The following CYP21A2 variants were observed in gnomAD, a reference collection of about 807,000 sequenced individuals.
The protein encoded by CYP21A2 is cytochrome P450 family 21 subfamily A member 2.
Under a neutral mutation model 47.4 loss-of-function variants are expected in CYP21A2, and 24 were observed. The ratio of observed to expected loss-of-function variants is 0.51; its 90% CI spans 0.37 to 0.71. The LOEUF is 0.71. Among genes scored for constraint, CYP21A2 ranks in the 30% least tolerant of loss-of-function variants. The probability of loss-of-function intolerance (pLI) is 0.00; values close to 1 mark genes in which losing one functional copy is unlikely to be tolerated. For synonymous variants in CYP21A2, 130 were observed against 273.9 expected (o/e 0.47, Z 5.19); for missense variants, 358 against 643.2 (o/e 0.56, Z 4.80).
In CYP21A2 at chr6:32,041,177, T is replaced by G; in HGVS notation, c.*43T>G. On this transcript the variant is annotated 3_prime_UTR_variant, in exon 10 of 10. Transcript: ENST00000644719. ...CAGCCGGGTACCTCAGTTTCTCCTT[T>G]ATTGCTCCCGTACGAACCCCTCCCC... The G allele has an allele frequency of 2.8e-6, 4 of 1,431,526 alleles. No individual in the cohort carries two copies. Among genetic ancestry groups the G allele is most frequent in the Non-Finnish European group, 3.9e-6 (4 of 1,020,952 alleles). The allele number at this position is 1,431,526 out of a possible 1,614,324, so 88.7% of individuals were successfully genotyped here.
intron 6 of CYP21A2, 56 bp downstream of exon 6, chr6:32,039,891 C>T (rs1776157761): frequency 2.5e-6 from 4 of 1,606,116 alleles, no homozygotes; most frequent in Non-Finnish European, 2.5e-6. Flanking sequence ...ATGCTACCGG[C>T]CTCAGCATTG....
At position 32,041,507 on chromosome 6, in the gene CYP21A2, G is replaced by A. The variant is rs451652; in HGVS notation, c.*373G>A. ...GCCGGATGTCCCATCTGCTCTTCCC[G>A]TTCCCCTTAAGGAGGTAGCTCCCAG... On this transcript the variant is annotated 3_prime_UTR_variant, in exon 10 of 10. Transcript: ENST00000644719. 24,394 of 1,215,108 alleles carry A rather than the reference G, an allele frequency of 0.02. 2,328 individuals are homozygous for A. Among genetic ancestry groups the A allele is most frequent in the African/African-American group, 0.094 (5,493 of 58,554 alleles). 75.3% of individuals were successfully genotyped at this position (1,215,108 alleles called of 1,614,324 possible). A position where few individuals can be genotyped will look rare whatever the true frequency, so the allele number is the denominator to read the frequency against.
chr6:32,041,552 C>A lies in CYP21A2; in HGVS notation c.*418C>A. On this transcript the variant is annotated 3_prime_UTR_variant, in exon 10 of 10. Coordinates refer to ENST00000644719, the MANE Select transcript of CYP21A2 (RefSeq NM_000500.9). ...TCCCAGCACTCAACCAACCTCCCCGCAGAGCTCCCTTCCTGACCCTCCGCT... is the reference window on the plus strand; with the variant it reads ...TCCCAGCACTCAACCAACCTCCCCGAAGAGCTCCCTTCCTGACCCTCCGCT... The A allele has an allele frequency of 3.7e-6, 4 of 1,073,078 alleles. No homozygotes were observed. The highest frequency in any genetic ancestry group is 5.6e-6 in the Non-Finnish European group (4 of 718,276). The allele number at this position is 1,073,078 out of a possible 1,614,324, so 66.5% of individuals were successfully genotyped here.
chr6:32,039,738 T>C lies in CYP21A2; in HGVS notation c.652-11T>C, dbSNP rs780202693. 1.4e-5 allele frequency: 22 copies of C among 1,603,106 alleles called. No homozygotes were observed. The highest frequency in any genetic ancestry group is 4.5e-5 in the East Asian group (2 of 44,188). On this transcript the variant is annotated splice_polypyrimidine_tract_variant and intron_variant, in intron 5 of 9. Transcript: ENST00000644719. ...CTTCCCACAGCTGCATTCTCATGCT[T>C]CCTGCCGCAGTTCTTCCCCAATCCA... is the stretch of plus-strand genomic sequence containing the variant.
chr6:32,040,183 T>C lies in CYP21A2; in HGVS notation c.917T>C (p.Val306Ala), dbSNP rs568758408. 2 of 1,612,668 alleles carry C rather than the reference T, an allele frequency of 1.2e-6. No homozygotes were observed. The highest frequency in any genetic ancestry group is 1.3e-5 in the African/African-American group (1 of 74,964). The change falls in exon 7 of 10, where the codon GTT (valine) becomes GCT (alanine). Residue 306 changes from valine to alanine, a missense_variant. Physicochemically the swap from Val to Ala is moderately conservative, Grantham distance 64. Coordinates refer to ENST00000644719, the MANE Select transcript of CYP21A2 (RefSeq NM_000500.9). ...GCAAACACCCTCTCCTGGGCCGTGG[T>C]TTTTTTGCTTCACCACCCTGAGGTG... ...TTANTLSWAVVFLLHHPEIQQ... is the reference protein window; with the variant it reads ...TTANTLSWAVAFLLHHPEIQQ...
chr6:32,039,811 G>C lies in CYP21A2; in HGVS notation c.714G>C (p.Val238=), dbSNP rs766676439. 6.2e-7 allele frequency: 1 copy of C among 1,614,014 alleles called. No homozygotes were observed. The highest frequency in any genetic ancestry group is 1.7e-5 in the Admixed American group (1 of 60,012). The stretch of plus-strand genomic sequence containing the variant: ...CCATAGAGAAGAGGGATCACATCGT[G>C]GAGATGCAGCTGAGGCAGCACAAGG... ...KQAIEKRDHI[V]EMQLRQHKES... The change falls in exon 6 of 10, where the codon GTG becomes GTC. Residue 238 remains valine (V), a synonymous_variant. Transcript: ENST00000644719.
chr6:32,038,986 G>T (rs936560222), intron 2 of CYP21A2, 108 bp from the exon 3 acceptor site: 5 of 1,545,210 alleles, frequency 3.2e-6, no homozygotes, highest in Admixed American at 2.0e-5. Flanking sequence ...AAGCTCTTGG[G>T]GGGGCATATC....
intron 2 of CYP21A2, 92 bp from the exon 3 acceptor site, chr6:32,039,002 G>C (rs932996061): frequency 1.3e-6 from 2 of 1,549,954 alleles, no homozygotes; most frequent in African/African-American, 2.7e-5. Context: ...ATATCTGGTG[G>C]GGAGAAAGCA....
Position 32,040,014 on chromosome 6 carries a change from G to A in CYP21A2, c.748G>A (p.Val250Met), listed in dbSNP as rs1373210679. Residue 250 changes from valine to methionine, a missense_variant, in exon 7 of 10, where the codon GTG becomes ATG. Physicochemically the swap from Val to Met is conservative, Grantham distance 21. Coordinates refer to ENST00000644719, the MANE Select transcript of CYP21A2 (RefSeq NM_000500.9). ...CTTTCACCCTCTGCAGGAGAGCCTCGTGGCAGGCCAGTGGAGGGACATGAT... is the reference window on the plus strand; with the variant it reads ...CTTTCACCCTCTGCAGGAGAGCCTCATGGCAGGCCAGTGGAGGGACATGAT... ...MQLRQHKESL[V>M]AGQWRDMMDY... 9.3e-6 allele frequency: 15 copies of A among 1,610,788 alleles called. No individual in the cohort carries two copies. The highest frequency in any genetic ancestry group is 2.2e-5 in the South Asian group (2 of 90,840).
intron 3 of CYP21A2, 25 bp downstream of exon 3, chr6:32,039,273 C>G: frequency 6.4e-7 from 1 of 1,572,414 alleles, no homozygotes; most frequent in Non-Finnish European, 8.6e-7. Context: ...CTGAGGCCAC[C>G]TCGGGTCAGC....
chr6:32,040,455 C>T lies in CYP21A2; in HGVS notation c.989C>T (p.Ala330Val), dbSNP rs774151904. The T allele has an allele frequency of 6.2e-7, 1 of 1,613,080 alleles. No homozygotes were observed. The highest frequency in any genetic ancestry group is 8.5e-7 in the Non-Finnish European group (1 of 1,179,802). The change falls in exon 8 of 10, where the codon GCC becomes GTC. Residue 330 changes from alanine (A) to valine (V), a missense_variant. Coordinates refer to ENST00000644719, the MANE Select transcript of CYP21A2 (RefSeq NM_000500.9). ...EELDHELGPG[A>V]SSSRVPYKDR... ...CTAGACCACGAACTGGGCCCTGGTGCCTCCAGCTCCCGGGTCCCCTACAAG... is the reference window on the plus strand; with the variant it reads ...CTAGACCACGAACTGGGCCCTGGTGTCTCCAGCTCCCGGGTCCCCTACAAG...
In CYP21A2 at chr6:32,038,453, C is replaced by T. The variant is rs764653902; in HGVS notation, c.31C>T (p.Pro11Ser). The T allele has an allele frequency of 6.4e-7, 1 of 1,562,296 alleles. No homozygotes were observed. The highest frequency in any genetic ancestry group is 8.7e-7 in the Non-Finnish European group (1 of 1,152,702). ...GCTCCTGGGCCTGCTGCTGCTGCTG[C>T]CCCTGCTGGCTGGCGCCCGCCTGCT... MLLLGLLLLLPLLAGARLLWN... is the reference protein window; with the variant it reads MLLLGLLLLLSLLAGARLLWN... The change falls in exon 1 of 10, where the codon CCC (proline) becomes TCC (serine). Residue 11 changes from proline (P) to serine (S), a missense_variant. Pro to Ser is a moderately conservative substitution (Grantham distance 74). Coordinates refer to ENST00000644719, the MANE Select transcript of CYP21A2 (RefSeq NM_000500.9).
In CYP21A2 at chr6:32,041,568, A is replaced by T. The variant is rs1318312255; in HGVS notation, c.*434A>T. ...ACCTCCCCGCAGAGCTCCCTTCCTG[A>T]CCCTCCGCTGCAGAGGATTGAGGCT... is the stretch of plus-strand genomic sequence containing the variant. On this transcript the variant is annotated 3_prime_UTR_variant, in exon 10 of 10. Transcript: ENST00000644719. The T allele has an allele frequency of 3.8e-6, 4 of 1,055,230 alleles. No homozygotes were observed. Among genetic ancestry groups the T allele is most frequent in the Non-Finnish European group, 5.7e-6 (4 of 703,090 alleles). 65.4% of individuals were successfully genotyped at this position (1,055,230 alleles called of 1,614,324 possible).
rs774422392 is a variant in CYP21A2 at position 32,039,222 on chromosome 6, G to A, written c.421G>A (p.Glu141Lys). The change falls in exon 3 of 10, where the codon GAG becomes AAG. Residue 141 changes from glutamate to lysine, a missense_variant. Physicochemically the swap from Glu to Lys is moderately conservative, Grantham distance 56. Transcript: ENST00000644719. ...GIRDSMEPVV[E>K]QLTQEFCERM... The stretch of plus-strand genomic sequence containing the variant: ...CCGTGACTCCATGGAGCCAGTGGTG[G>A]AGCAGCTGACCCAGGAGTTCTGTGA... 2 of 1,587,576 alleles carry A rather than the reference G, an allele frequency of 1.3e-6. No homozygotes were observed. The highest frequency in any genetic ancestry group is 8.6e-7 in the Non-Finnish European group (1 of 1,166,994).
chr6:32,040,777 TG>T lies in CYP21A2; in HGVS notation c.1222+12del, dbSNP rs779360081. ...GCCACATGAGTTCTGGCCTGGTATG[TG>T]GGGGGCCGGGGGCCTGCCGTGAAAA... On this transcript the variant is annotated splice_region_variant and intron_variant, in intron 9 of 9. Transcript: ENST00000644719. 2 of 1,599,568 alleles carry T rather than the reference TG, an allele frequency of 1.3e-6. No individual in the cohort carries two copies. The highest frequency in any genetic ancestry group is 8.5e-7 in the Non-Finnish European group (1 of 1,173,404).
Position 32,040,413 on chromosome 6 carries a change from A to G in CYP21A2, c.947A>G (p.Gln316Arg). The change falls in exon 8 of 10, where the codon CAG (glutamine) becomes CGG (arginine). Residue 316 changes from glutamine to arginine, a missense_variant. By Grantham distance (43) the Gln-to-Arg change is conservative (BLOSUM62 1). Coordinates refer to ENST00000644719, the MANE Select transcript of CYP21A2 (RefSeq NM_000500.9). ...CACCCGATCATTCCCCAGATTCAGC[A>G]GCGACTGCAGGAGGAGCTAGACCAC... ...VFLLHHPEIQ[Q>R]RLQEELDHEL... 1.9e-6 allele frequency: 3 copies of G among 1,613,018 alleles called. No individual in the cohort carries two copies. Among genetic ancestry groups the G allele is most frequent in the Non-Finnish European group, 2.5e-6 (3 of 1,179,814 alleles).
chr6:32,039,251 A>C lies in CYP21A2; in HGVS notation c.447+3A>C. On this transcript the variant is annotated splice_donor_region_variant and intron_variant, in intron 3 of 9. Transcript: ENST00000644719. Reference sequence around the variant, plus strand: ...AGCTGACCCAGGAGTTCTGTGAGGTAAGGCTGGGCTCCTGAGGCCACCTCG... The same window carrying C: ...AGCTGACCCAGGAGTTCTGTGAGGTCAGGCTGGGCTCCTGAGGCCACCTCG... 1 of 1,580,118 alleles carries C rather than the reference A, an allele frequency of 6.3e-7. No individual in the cohort carries two copies. Among genetic ancestry groups the C allele is most frequent in the Non-Finnish European group, 8.6e-7 (1 of 1,162,958 alleles).
In CYP21A2 at chr6:32,041,486, G is replaced by C; in HGVS notation, c.*352G>C. On this transcript the variant is annotated 3_prime_UTR_variant, in exon 10 of 10. Transcript: ENST00000644719. Reference sequence around the variant, plus strand: ...GGTTGTCAAGAGAGAGTCAAAGCCGGATGTCCCATCTGCTCTTCCCGTTCC... The same window carrying C: ...GGTTGTCAAGAGAGAGTCAAAGCCGCATGTCCCATCTGCTCTTCCCGTTCC... The C allele has an allele frequency of 1.7e-6, 2 of 1,164,746 alleles. No individual in the cohort carries two copies. Among genetic ancestry groups the C allele is most frequent in the Non-Finnish European group, 2.5e-6 (2 of 800,836 alleles). The allele number at this position is 1,164,746 out of a possible 1,614,324, so 72.2% of individuals were successfully genotyped here. A position where few individuals can be genotyped will look rare whatever the true frequency, so the allele number is the denominator to read the frequency against.
Position 32,041,506 on chromosome 6 carries a change from C to T in CYP21A2, c.*372C>T, listed in dbSNP as rs192857045. 1.5e-4 allele frequency: 184 copies of T among 1,240,316 alleles called. 2 individuals are homozygous for T. In the East Asian group the frequency reaches 2.8e-3, roughly 19 times the overall value. The allele number at this position is 1,240,316 out of a possible 1,614,324, so 76.8% of individuals were successfully genotyped here. Reference sequence around the variant, plus strand: ...AGCCGGATGTCCCATCTGCTCTTCCCGTTCCCCTTAAGGAGGTAGCTCCCA... The same window carrying T: ...AGCCGGATGTCCCATCTGCTCTTCCTGTTCCCCTTAAGGAGGTAGCTCCCA... On this transcript the variant is annotated 3_prime_UTR_variant, in exon 10 of 10. Transcript: ENST00000644719.
Sources: allele counts gnomAD v4.1 joint callset, GRCh38; gene constraint gnomAD v4.1.1; transcripts MANE v1.5; gene names NCBI Gene and HGNC (gene_info 2026-07-23, HGNC 2026-07-21).